CNTLN: variants seen among roughly 807,000 people sequenced by gnomAD.
CNTLN encodes centlein, centrosomal protein.
A neutral mutation model predicts 180.0 loss-of-function variants in CNTLN; 212 were observed. That is an observed-to-expected ratio of 1.18 (90% confidence interval 1.05 to 1.32). CNTLN has a LOEUF of 1.32. CNTLN is among the 40% of genes most tolerant of loss of function. The pLI, the probability that CNTLN is intolerant of heterozygous loss-of-function variation, is 0.00. For synonymous variants in CNTLN, 722 were observed against 563.1 expected, an observed-to-expected ratio of 1.28 and a Z score of -3.99; for missense variants, 2,095 against 1,610.9, an observed-to-expected ratio of 1.30 and a Z score of -5.14.
At chr9:17,290,869 G>A (rs986457495) in intron 6 of CNTLN, among the ~76,000 whole-genome samples, 1 of 152,174 alleles carries the variant, frequency 6.6e-6, no homozygotes, top group South Asian at 2.1e-4. Context: ...GCTTCGGCTC[G>A]CGCATGGTGC....
rs542423221 is a variant in CNTLN, at chr9:17,324,798, G to A, written c.1342-5834G>A. On this transcript the variant is annotated intron_variant, in intron 8 of 25. Coordinates refer to ENST00000380647, the MANE Select transcript of CNTLN (RefSeq NM_017738.4). Reference sequence around the variant, plus strand: ...TTAACAACTTGACTGTACCATGTAAGTATTTAGATACTAAAGGAAAGCTAA... The same window carrying A: ...TTAACAACTTGACTGTACCATGTAAATATTTAGATACTAAAGGAAAGCTAA... 5.7e-4 allele frequency among the ~76,000 whole-genome samples: 87 copies of A among 152,148 alleles called. 3 individuals are homozygous for A. Among genetic ancestry groups the A allele is most frequent in the African/African-American group, 2.0e-3 (83 of 41,544 alleles).
chr9:17,149,005 C>T (rs945396272), intron 2 of CNTLN, among the ~76,000 whole-genome samples: 2 of 152,098 alleles, frequency 1.3e-5, no homozygotes, highest in African/African-American at 2.4e-5. Context: ...GTGTGATGCT[C>T]CCCTCCCTGT....
Position 17,235,644 on chromosome 9 carries a change from AT to A in CNTLN, c.535-7del, listed in dbSNP as rs67017076. 0.76 allele frequency: 1,173,789 copies of A among 1,542,988 alleles called. 453,232 individuals carry two copies. Among genetic ancestry groups the A allele is most frequent in the East Asian group, 1 (41,346 of 41,368 alleles). On this transcript the variant is annotated splice_polypyrimidine_tract_variant and intron_variant, in intron 3 of 25. Transcript: ENST00000380647. ...AAATAAAAGCTCACCAGTAATTTAA[AT>A]TTTTTTCCACAGAGAGAGTCAGTAC...
At chr9:17,225,513 A>G (rs946232850) in intron 2 of CNTLN, among the ~76,000 whole-genome samples, 3 of 152,028 alleles carry the variant, frequency 2.0e-5, no homozygotes, top group Admixed American at 6.6e-5. Flanking sequence ...TGTCCAATCA[A>G]TTTCCCCTTA....
intron 6 of CNTLN, among the ~76,000 whole-genome samples, chr9:17,295,758 G>A (rs1817855434): frequency 6.6e-6 from 1 of 152,046 alleles, no homozygotes; most frequent in African/African-American, 2.4e-5. Context: ...TTGCAACATT[G>A]GTGTACATAT....
At chr9:17,385,223 T>A (rs1479270144) in intron 13 of CNTLN, among the ~76,000 whole-genome samples, 3 of 152,232 alleles carry the variant, frequency 2.0e-5, no homozygotes. Context: ...CACCTCAATG[T>A]GTTCACCAAC....
chr9:17,499,203 A>C (rs575324626), intron 25 of CNTLN, among the ~76,000 whole-genome samples: 2 of 152,186 alleles, frequency 1.3e-5, no homozygotes, highest in African/African-American at 4.8e-5. Flanking sequence ...CTAGAGCTAC[A>C]TGCTGAGAAT....
chr9:17,377,191 A>G (rs1408380576), intron 13 of CNTLN, among the ~76,000 whole-genome samples: 1 of 152,226 alleles, frequency 6.6e-6, no homozygotes, highest in Non-Finnish European at 1.5e-5. Context: ...CATTTTTAAA[A>G]GCCATGGCTT....
chr9:17,216,718 C>G (rs1424316457), intron 2 of CNTLN, among the ~76,000 whole-genome samples: 1 of 152,204 alleles, frequency 6.6e-6, no homozygotes, highest in African/African-American at 2.4e-5. Flanking sequence ...ACTGGGACCA[C>G]CTCCCTCCTG....
At chr9:17,273,650 G>A (rs1022062676) in intron 5 of CNTLN, 83 bp from the exon 6 acceptor site, 2 of 695,846 alleles carry the variant, frequency 2.9e-6, no homozygotes, top group Admixed American at 3.2e-5. Flanking sequence ...CTGTCATTTT[G>A]TAGAATAATT....
chr9:17,395,131 A>G, intron 15 of CNTLN, 62 bp downstream of exon 15: 1 of 1,498,646 alleles, frequency 6.7e-7, no homozygotes. Flanking sequence ...AGCACTAGCA[A>G]ATGGAGATTG....
chr9:17,512,825 GT>G, the CNTLN span, among the ~76,000 whole-genome samples: 1 of 151,946 alleles, frequency 6.6e-6, no homozygotes, highest in African/African-American at 2.4e-5. Flanking sequence ...TTTTGTTTTT[GT>G]TTTTGTTTGA....
chr9:17,504,222 G>A (rs759708605), downstream of CNTLN, among the ~76,000 whole-genome samples: 5 of 152,108 alleles, frequency 3.3e-5, no homozygotes, highest in Non-Finnish European at 7.4e-5. Flanking sequence ...ATTGGATGGC[G>A]AAGCATTGTG....
At chr9:17,487,271 G>A (rs995455496) in intron 25 of CNTLN, 14 of 546,412 alleles carry the variant, frequency 2.6e-5, no homozygotes, top group African/African-American at 2.4e-4. Flanking sequence ...TTGGGATAGA[G>A]CCAACATGGG....
intron 23 of CNTLN, among the ~76,000 whole-genome samples, chr9:17,478,598 G>A (rs529287236): frequency 4.0e-4 from 61 of 151,760 alleles, no homozygotes; most frequent in African/African-American, 1.1e-3. Context: ...GGACTCAAGC[G>A]TCTTCTAGAA....
chr9:17,415,989 A>G lies in CNTLN; in HGVS notation c.2914A>G (p.Ile972Val), dbSNP rs181881003. 3,390 of 1,610,590 alleles carry G rather than the reference A, an allele frequency of 2.1e-3. 6 individuals are homozygous for G. Among genetic ancestry groups the G allele is most frequent in the Non-Finnish European group, 2.5e-3 (2,984 of 1,178,952 alleles). ...TRVNREKYKN[I>V]TAQKSSSNII... is the part of the protein sequence containing the mutation. ...AGTCAACAGAGAAAAGTACAAAAATATAACTGCCCAGAAATCAAGTAGCAA... is the reference window on the plus strand; with the variant it reads ...AGTCAACAGAGAAAAGTACAAAAATGTAACTGCCCAGAAATCAAGTAGCAA... Residue 972 changes from isoleucine (I) to valine (V), a missense_variant, in exon 18 of 26, where the codon ATA (isoleucine) becomes GTA (valine). Coordinates refer to ENST00000380647, the MANE Select transcript of CNTLN (RefSeq NM_017738.4).
Position 17,466,049 on chromosome 9 carries a change from C to T in CNTLN, c.3600C>T (p.Asn1200=), listed in dbSNP as rs953722341. 18 of 1,604,698 alleles carry T rather than the reference C, an allele frequency of 1.1e-5. No homozygotes were observed. The highest frequency in any genetic ancestry group is 1.7e-5 in the Admixed American group (1 of 59,432). The change falls in exon 22 of 26, where the codon AAC becomes AAT. Residue 1200 remains asparagine, a synonymous_variant. Transcript: ENST00000380647. ...VSIDSLKQRL[N]VAVKEKSQYE... ...TTGATTCACTAAAGCAAAGACTTAA[C>T]GTTGCTGTAAAAGAAAAGTCACAGT...
chr9:17,415,465 C>A (rs1828153161), intron 16 of CNTLN, among the ~76,000 whole-genome samples: 1 of 152,152 alleles, frequency 6.6e-6, no homozygotes. Flanking sequence ...GATTTTGTAT[C>A]TGTATCTTCT....
intron 2 of CNTLN, among the ~76,000 whole-genome samples, chr9:17,197,650 A>C (rs1446489606): frequency 6.6e-6 from 1 of 152,184 alleles, no homozygotes; most frequent in African/African-American, 2.4e-5. Flanking sequence ...TTGTCAGATG[A>C]GTAGTTTGCA....
Sources: gnomAD v4.1 joint callset for allele counts (sites outside exome capture counted in the v4.1 genomes callset) on GRCh38, gnomAD v4.1.1 for gene constraint, MANE v1.5 for transcripts, NCBI Gene and HGNC (gene_info 2026-07-23, HGNC 2026-07-21) for gene names.